The following ZNF862 variants were observed in gnomAD, a reference collection of about 807,000 sequenced individuals.
ZNF862 encodes zinc finger protein 862.
Under a neutral mutation model 91.1 loss-of-function variants are expected in ZNF862, and 64 were observed. The observed-to-expected ratio is 0.70, with a 90% CI of 0.57 to 0.87. ZNF862 has a LOEUF of 0.87. ZNF862 is among the 40% of genes least tolerant of loss of function. The pLI, the probability that ZNF862 is intolerant of heterozygous loss-of-function variation, is 0.00. For synonymous variants in ZNF862, 631 were observed against 618.1 expected (o/e 1.02, Z -0.31); for missense variants, 1,459 against 1,528.0 (o/e 0.95, Z 0.75).
chr7:149,849,804 G>C (rs1291038768), intron 4 of ZNF862, among the ~76,000 whole-genome samples: 1 of 152,082 alleles, frequency 6.6e-6, no homozygotes, highest in Non-Finnish European at 1.5e-5. Flanking sequence ...GGAAATCTTA[G>C]GTGCTCCTAG....
rs372180617 is a variant in ZNF862 at position 149,844,599 on chromosome 7, C to T, written c.25-26C>T. 2.0e-6 allele frequency: 3 copies of T among 1,508,586 alleles called. No individual in the cohort carries two copies. In the African/African-American group the frequency reaches 4.1e-5, roughly 21 times the overall value. 93.5% of individuals were successfully genotyped at this position (1,508,586 alleles called of 1,614,324 possible). A position where few individuals can be genotyped will look rare whatever the true frequency, so the allele number is the denominator to read the frequency against. On this transcript the variant is annotated intron_variant, in intron 1 of 7. Transcript: ENST00000223210. ...GATAAATCTAAGGAAGAGAGTGGTA[C>T]TTAGCAGCTGTCATTTTCCTTTCAG...
In ZNF862 at chr7:149,848,207, T is replaced by C. The variant is rs368338295; in HGVS notation, c.714T>C (p.Asp238=). The change falls in exon 4 of 8, where the codon GAT becomes GAC. Residue 238 remains aspartate (D), a synonymous_variant. Transcript: ENST00000223210. ...GCCCGGAGCCGCTCTTCACTGCAGA[T>C]TGCCCCATATTCTACCCCCCAGGGC... is the stretch of plus-strand genomic sequence containing the variant. ...LASPEPLFTA[D]CPIFYPPGPL... 13 of 1,613,814 alleles carry C rather than the reference T, an allele frequency of 8.1e-6. No homozygotes were observed. The highest frequency in any genetic ancestry group is 1.3e-5 in the African/African-American group (1 of 74,910).
Position 149,848,226 on chromosome 7 carries a change from C to G in ZNF862, c.733C>G (p.Pro245Ala), listed in dbSNP as rs765763911. 10 of 1,613,810 alleles carry G rather than the reference C, an allele frequency of 6.2e-6. No homozygotes were observed. The highest frequency in any genetic ancestry group is 1.7e-5 in the Admixed American group (1 of 60,006). Reference sequence around the variant, plus strand: ...TGCAGATTGCCCCATATTCTACCCCCCAGGGCCTCTGGGAGGATTTGATAG... The same window carrying G: ...TGCAGATTGCCCCATATTCTACCCCGCAGGGCCTCTGGGAGGATTTGATAG... ...FTADCPIFYP[P>A]GPLGGFDSMA... Residue 245 changes from proline (P) to alanine (A), a missense_variant, in exon 4 of 8, where the codon CCA (proline) becomes GCA (alanine). Physicochemically the swap from Pro to Ala is conservative, Grantham distance 27 (BLOSUM62 -1). Transcript: ENST00000223210.
At position 149,859,747 on chromosome 7, in the gene ZNF862, A is replaced by C. The variant is rs1021278713; in HGVS notation, c.1222+221A>C. On this transcript the variant is annotated intron_variant, in intron 6 of 7. Transcript: ENST00000223210. ...GGAAAAAACAGGTCCTTTTGTAAGC[A>C]GAAGTACTGATGGAGGCTGTGGCAG... The C allele has an allele frequency of 3.8e-5, 20 of 529,800 alleles. No individual in the cohort carries two copies. In the African/African-American group the frequency reaches 3.9e-4, roughly 10 times the overall value. The allele number at this position is 529,800 out of a possible 1,614,324, so 32.8% of individuals were successfully genotyped here.
rs1373340593 is a variant in ZNF862, at chr7:149,846,226, G to T, written c.212G>T (p.Gly71Val). 1 of 1,613,728 alleles carries T rather than the reference G, an allele frequency of 6.2e-7. No homozygotes were observed. Among genetic ancestry groups the T allele is most frequent in the South Asian group, 1.1e-5 (1 of 91,014 alleles). ...GAGCCATGGCTTGGCAGCGTCCAGGGCCAGAGGAGCCTTCTGGAGCATCAC... is the reference window on the plus strand; with the variant it reads ...GAGCCATGGCTTGGCAGCGTCCAGGTCCAGAGGAGCCTTCTGGAGCATCAC... ...GPEPWLGSVQ[G>V]QRSLLEHHPG... is the part of the protein sequence containing the mutation. The change falls in exon 3 of 8, where the codon GGC (glycine) becomes GTC (valine). Residue 71 changes from glycine to valine, a missense_variant. By Grantham distance (109) the Gly-to-Val change is moderately radical (BLOSUM62 -3). Coordinates refer to ENST00000223210, the MANE Select transcript of ZNF862 (RefSeq NM_001099220.3).
In ZNF862 at chr7:149,846,278, G is replaced by T. The variant is rs375768210; in HGVS notation, c.241+23G>T. Reference sequence around the variant, plus strand: ...CAGGTGAGTGTGGAACTGCACTCAGGGGCAGATGCTTGGCTGGAGAGGGAG... The same window carrying T: ...CAGGTGAGTGTGGAACTGCACTCAGTGGCAGATGCTTGGCTGGAGAGGGAG... On this transcript the variant is annotated intron_variant, in intron 3 of 7. Coordinates refer to ENST00000223210, the MANE Select transcript of ZNF862 (RefSeq NM_001099220.3). 6.5e-5 allele frequency: 102 copies of T among 1,577,566 alleles called. No individual in the cohort carries two copies. In the African/African-American group the frequency reaches 1.2e-3, roughly 18 times the overall value.
chr7:149,840,019 C>T (rs999546751), intron 1 of ZNF862, among the ~76,000 whole-genome samples: 2 of 151,802 alleles, frequency 1.3e-5, no homozygotes, highest in South Asian at 2.1e-4. Flanking sequence ...TACGGTCATG[C>T]GCTGTATAAC....
At chr7:149,844,288 C>T (rs991111886) in intron 1 of ZNF862, among the ~76,000 whole-genome samples, 3 of 152,152 alleles carry the variant, frequency 2.0e-5, no homozygotes, top group African/African-American at 7.2e-5. Flanking sequence ...TTTAAGGTTC[C>T]ATGAAAGAAT....
intron 7 of ZNF862, 62 bp from the exon 8 acceptor site, chr7:149,864,047 G>T: frequency 6.6e-7 from 1 of 1,509,444 alleles, no homozygotes. Context: ...CCTGGGCGAA[G>T]CTGGATGTGG....
chr7:149,852,982 G>A (rs1305509237), intron 5 of ZNF862, among the ~76,000 whole-genome samples: 1 of 152,214 alleles, frequency 6.6e-6, no homozygotes, highest in Non-Finnish European at 1.5e-5. Context: ...GAGCAGGGGA[G>A]TTCGAGTCCC....
rs554250442 is a variant in ZNF862, at chr7:149,855,446, C to T, written c.1118-3976C>T. Reference sequence around the variant, plus strand: ...GAAAGGGGCTCCTCTTCTCCCACCCCCTGCTGGTTTCAGAATTTCTGACTC... The same window carrying T: ...GAAAGGGGCTCCTCTTCTCCCACCCTCTGCTGGTTTCAGAATTTCTGACTC... On this transcript the variant is annotated intron_variant, in intron 5 of 7. Coordinates refer to ENST00000223210, the MANE Select transcript of ZNF862 (RefSeq NM_001099220.3). The surrounding 1 kb of genome is among the most constrained non-coding windows in gnomAD (Gnocchi z 4.1). Among the ~76,000 whole-genome samples the T allele has an allele frequency of 2.2e-3, 333 of 152,288 alleles. 5 individuals carry two copies. In the South Asian group the frequency reaches 0.03, roughly 14 times the overall value.
Position 149,861,617 on chromosome 7 carries a change from C to G in ZNF862, c.2457C>G (p.Gly819=). The change falls in exon 7 of 8, where the codon GGC becomes GGG. Residue 819 remains glycine, a synonymous_variant. Coordinates refer to ENST00000223210, the MANE Select transcript of ZNF862 (RefSeq NM_001099220.3). This position sits in a 1 kb window ranked among gnomAD's most constrained non-coding sequence, Gnocchi z 6.7. ...TCCAGAGGGTGGCAGAGGCTGGGGG[C>G]CAGATTGGGCACCGGGCCAAAGGGA... is the stretch of plus-strand genomic sequence containing the variant. The part of the protein sequence containing the change: ...RHLQRVAEAG[G]QIGHRAKGML... 6.2e-7 allele frequency: 1 copy of G among 1,601,994 alleles called. No homozygotes were observed. The highest frequency in any genetic ancestry group is 8.5e-7 in the Non-Finnish European group (1 of 1,176,452).
At chr7:149,852,353 G>GTGTGTGTGTC (rs1554448310) in intron 5 of ZNF862, among the ~76,000 whole-genome samples, 17 of 135,454 alleles carry the variant, frequency 1.3e-4, no homozygotes, top group African/African-American at 4.3e-4. Context: ...GTGTGTGTGT[G>GTGTGTGTGTC]TGTGTGTGTG....
chr7:149,863,334 C>T (rs1362432740), intron 7 of ZNF862, among the ~76,000 whole-genome samples: 4 of 142,666 alleles, frequency 2.8e-5, no homozygotes, highest in African/African-American at 6.1e-5. Context: ...GCTGTTGCTG[C>T]TCCCAGTGCT....
At chr7:149,852,173 T>C (rs957987686) in intron 5 of ZNF862, 5 of 152,046 alleles carry the variant, frequency 3.3e-5, no homozygotes, top group Non-Finnish European at 7.4e-5. Context: ...TGTTAAAACA[T>C]AGTGGAGATT....
intron 7 of ZNF862, 51 bp from the exon 8 acceptor site, chr7:149,864,058 A>C: frequency 1.3e-6 from 2 of 1,520,488 alleles, no homozygotes; most frequent in Non-Finnish European, 1.8e-6. Context: ...CTGGATGTGG[A>C]AGGCGGTCAC....
chr7:149,846,054 T>C, intron 2 of ZNF862, 97 bp from the exon 3 acceptor site: 1 of 817,390 alleles, frequency 1.2e-6, no homozygotes, highest in African/African-American at 1.7e-5. Context: ...TGCCGAGAGA[T>C]GTCGCAGACA....
chr7:149,860,026 C>T (rs1321137687), intron 6 of ZNF862: 1 of 314,130 alleles, frequency 3.2e-6, no homozygotes, highest in Non-Finnish European at 5.9e-6. Flanking sequence ...ATTGTGGAGC[C>T]TCACACGAGA....
Position 149,845,345 on chromosome 7 carries a change from G to A in ZNF862, c.136+609G>A, listed in dbSNP as rs186556578. 1.1e-4 allele frequency among the ~76,000 whole-genome samples: 16 copies of A among 152,312 alleles called. No individual in the cohort carries two copies. In the East Asian group the frequency reaches 2.9e-3, roughly 28 times the overall value. On this transcript the variant is annotated intron_variant, in intron 2 of 7. Coordinates refer to ENST00000223210, the MANE Select transcript of ZNF862 (RefSeq NM_001099220.3). Reference sequence around the variant, plus strand: ...TGGTTGGTTGTATTTCAACATGTGTGTACACATATGCACTGTTTGCTGATT... The same window carrying A: ...TGGTTGGTTGTATTTCAACATGTGTATACACATATGCACTGTTTGCTGATT...
Sources: allele counts gnomAD v4.1 joint callset (sites outside exome capture counted in the v4.1 genomes callset), GRCh38; gene constraint gnomAD v4.1.1; non-coding constraint Gnocchi (gnomAD v3.1); transcripts MANE v1.5; gene names NCBI Gene and HGNC (gene_info 2026-07-23, HGNC 2026-07-21).